GPD2: variants seen among roughly 807,000 people sequenced by gnomAD.
GPD2 encodes glycerol-3-phosphate dehydrogenase 2, also known as glycerol-3-phosphate dehydrogenase, mitochondrial.
Under a neutral mutation model 82.4 loss-of-function variants are expected in GPD2, and 54 were observed. The observed-to-expected ratio is 0.66, with a 90% CI of 0.53 to 0.82. GPD2 has a LOEUF of 0.82. Among genes scored for constraint, GPD2 ranks in the 40% least tolerant of loss-of-function variants. The pLI, the probability that GPD2 is intolerant of heterozygous loss-of-function variation, is 0.00. For synonymous variants in GPD2, 288 were observed against 306.1 expected (o/e 0.94, Z 0.62); for missense variants, 748 against 896.2 (o/e 0.83, Z 2.11).
chr2:156,531,652 T>C (rs1245840565), intron 6 of GPD2, among the ~76,000 whole-genome samples: 6 of 152,220 alleles, frequency 3.9e-5, no homozygotes, highest in African/African-American at 1.4e-4. Context: ...CTGAGGCCAC[T>C]GAGTCTGCAC....
chr2:156,510,153 C>A (rs990855280), intron 3 of GPD2, among the ~76,000 whole-genome samples: 6 of 152,112 alleles, frequency 3.9e-5, no homozygotes, highest in Non-Finnish European at 7.4e-5. Context: ...CTTTGTAATT[C>A]TAAAATATTG....
chr2:156,458,346 C>T (rs1682858792), intron 1 of GPD2, among the ~76,000 whole-genome samples: 1 of 152,206 alleles, frequency 6.6e-6, no homozygotes, highest in Non-Finnish European at 1.5e-5. Flanking sequence ...GAAGGTTGAT[C>T]AGCTTTGCAG....
At chr2:156,536,079 G>A (rs1209530280) in intron 6 of GPD2, among the ~76,000 whole-genome samples, 5 of 152,140 alleles carry the variant, frequency 3.3e-5, no homozygotes, top group African/African-American at 2.4e-5. Flanking sequence ...TGTGCTTCTG[G>A]CATGTGCTTT....
rs1159380079 is a variant in GPD2, at chr2:156,578,935, A to G, written c.1814A>G (p.Tyr605Cys). Residue 605 changes from tyrosine (Y) to cysteine (C), a missense_variant, in exon 14 of 17, where the codon TAT (tyrosine) becomes TGT (cysteine). By Grantham distance (194) the Tyr-to-Cys change is radical. Transcript: ENST00000438166. ...ARKFLYYEMG[Y>C]KSRSEQLTDR... ...AAGTTTCTATATTATGAAATGGGCT[A>G]TAAATCTCGATCAGAACAGTTAACA... 13 of 1,612,104 alleles carry G rather than the reference A, an allele frequency of 8.1e-6. No homozygotes were observed. The highest frequency in any genetic ancestry group is 1.7e-4 in the Middle Eastern group (1 of 6,022).
At chr2:156,401,484 G>C in the GPD2 span, among the ~76,000 whole-genome samples, 2 of 152,134 alleles carry the variant, frequency 1.3e-5, no homozygotes. Flanking sequence ...CAATCACCTA[G>C]CCTATCTTCA....
At chr2:156,463,763 CTA>C (rs1435298024) in intron 1 of GPD2, among the ~76,000 whole-genome samples, 1 of 151,976 alleles carries the variant, frequency 6.6e-6, no homozygotes, top group Non-Finnish European at 1.5e-5. Flanking sequence ...TTGGGAAAGA[CTA>C]TAGAGTTCTT....
intron 3 of GPD2, among the ~76,000 whole-genome samples, chr2:156,507,124 C>A (rs973071334): frequency 6.6e-6 from 1 of 151,972 alleles, no homozygotes; most frequent in African/African-American, 2.4e-5. Context: ...AGCGATTCTC[C>A]TGCCTCAGCC....
At chr2:156,496,550 T>C (rs1387628824) in intron 3 of GPD2, among the ~76,000 whole-genome samples, 1 of 152,174 alleles carries the variant, frequency 6.6e-6, no homozygotes, top group Non-Finnish European at 1.5e-5. Flanking sequence ...ATTTCTCTCT[T>C]GTTTCCAGAT....
intron 6 of GPD2, among the ~76,000 whole-genome samples, chr2:156,515,051 A>G (rs1025543072): frequency 2.6e-5 from 4 of 152,118 alleles, no homozygotes; most frequent in African/African-American, 7.2e-5. Context: ...CATTTTCTAT[A>G]CTTTGTGATC....
chr2:156,430,269 A>G, the GPD2 span, among the ~76,000 whole-genome samples: 1 of 152,126 alleles, frequency 6.6e-6, no homozygotes, highest in Non-Finnish European at 1.5e-5. Flanking sequence ...GCCATCTGCT[A>G]GGTGTGGTGT....
chr2:156,457,401 T>A (rs1300732004), intron 1 of GPD2, among the ~76,000 whole-genome samples: 1 of 152,238 alleles, frequency 6.6e-6, no homozygotes, highest in Non-Finnish European at 1.5e-5. Context: ...TAGAGCCTGA[T>A]CTGAAGGGAA....
intron 1 of GPD2, among the ~76,000 whole-genome samples, chr2:156,473,345 A>G (rs1683396433): frequency 6.6e-6 from 1 of 152,232 alleles, no homozygotes; most frequent in Non-Finnish European, 1.5e-5. Flanking sequence ...GGTCTCTGAC[A>G]AATCAAATTA....
intron 13 of GPD2, among the ~76,000 whole-genome samples, chr2:156,574,596 T>TA (rs1687751215): frequency 6.6e-6 from 1 of 152,150 alleles, no homozygotes; most frequent in Admixed American, 6.5e-5. Flanking sequence ...AAATACATTT[T>TA]TTTTTTTCAA....
Position 156,557,576 on chromosome 2 carries a change from G to A in GPD2, c.1159G>A (p.Val387Ile). The A allele has an allele frequency of 6.4e-7, 1 of 1,556,802 alleles. No homozygotes were observed. The highest frequency in any genetic ancestry group is 8.9e-7 in the Non-Finnish European group (1 of 1,127,786). Residue 387 changes from valine (V) to isoleucine (I), a missense_variant, in exon 9 of 17, where the codon GTT becomes ATT. This residue lies in a region of GPD2 where 692 missense variants were observed against 809.7 expected (regional missense o/e 0.85). Transcript: ENST00000438166. ...AGTGCGTAATTACCTGAGTTGTGATGTTGAAGGTAACTAAGCATTCCTTTA... is the reference window on the plus strand; with the variant it reads ...AGTGCGTAATTACCTGAGTTGTGATATTGAAGGTAACTAAGCATTCCTTTA... Reference protein sequence around the residue: ...NEVRNYLSCDVEVRRGDVLAA... With the variant: ...NEVRNYLSCDIEVRRGDVLAA...
At chr2:156,528,893 A>G (rs1685721250) in intron 6 of GPD2, among the ~76,000 whole-genome samples, 1 of 152,166 alleles carries the variant, frequency 6.6e-6, no homozygotes, top group Non-Finnish European at 1.5e-5. Flanking sequence ...ATGCCGCAGT[A>G]AACATAGTGT....
At chr2:156,469,768 G>T (rs1471950464) in intron 1 of GPD2, among the ~76,000 whole-genome samples, 1 of 152,200 alleles carries the variant, frequency 6.6e-6, no homozygotes, top group Non-Finnish European at 1.5e-5. Flanking sequence ...TTACTTCTAT[G>T]CTGGCATAAG....
chr2:156,416,514 GTTT>G, the GPD2 span, among the ~76,000 whole-genome samples: 505 of 117,934 alleles, frequency 4.3e-3, 7 homozygotes, highest in Non-Finnish European at 2.4e-3. Context: ...TGCCCAGCTA[GTTT>G]TTTTTTTTTT....
intron 3 of GPD2, among the ~76,000 whole-genome samples, chr2:156,502,098 A>C: frequency 9.1e-6 from 1 of 110,242 alleles, no homozygotes. Context: ...CGATTTATAT[A>C]TATGCATGTG....
At chr2:156,494,403 A>G (rs1417323381) in intron 2 of GPD2, among the ~76,000 whole-genome samples, 1 of 152,196 alleles carries the variant, frequency 6.6e-6, no homozygotes, top group African/African-American at 2.4e-5. Context: ...GAAACCAGAG[A>G]TAATGAGTCA....
Sources: allele counts gnomAD v4.1 joint callset (sites outside exome capture counted in the v4.1 genomes callset), GRCh38; gene constraint gnomAD v4.1.1; regional missense constraint gnomAD v4.1.1; transcripts MANE v1.5; gene names NCBI Gene and HGNC (gene_info 2026-07-23, HGNC 2026-07-21).